Variants in ELF1 observed in about 807,000 individuals in gnomAD.
ELF1 encodes ETS-related transcription factor Elf-1.
A neutral mutation model predicts 59.9 loss-of-function variants in ELF1; 24 were observed. The observed-to-expected ratio is 0.40, with a 90% confidence interval of 0.29 to 0.56. The LOEUF (loss-of-function observed/expected upper bound fraction) is 0.56, where lower values mean the gene tolerates loss of function less well. ELF1 is among the 20% of genes least tolerant of loss of function. The probability of loss-of-function intolerance (pLI) is 0.44; values close to 1 mark genes in which losing one functional copy is unlikely to be tolerated. For missense variants in ELF1, 627 were observed against 742.2 expected (o/e 0.84, Z 1.80); for synonymous variants, 248 against 266.2 (o/e 0.93, Z 0.67).
chr13:40,944,163 T>G (rs1870362060), intron 5 of ELF1, among the ~76,000 whole-genome samples: 1 of 152,216 alleles, frequency 6.6e-6, no homozygotes, highest in Admixed American at 6.5e-5. Context: ...CTTTGACACC[T>G]CAGTTTATAT....
At chr13:41,020,295 A>C (rs1000598940), upstream of ELF1, among the ~76,000 whole-genome samples, 2 of 152,236 alleles carry the variant, frequency 1.3e-5, no homozygotes, top group Admixed American at 1.3e-4. Context: ...TAAGAGCTTA[A>C]ATTAATCAAA....
intron 1 of ELF1, among the ~76,000 whole-genome samples, chr13:41,038,200 TG>T (rs1876463217): frequency 6.6e-6 from 1 of 151,652 alleles, no homozygotes; most frequent in South Asian, 2.1e-4. Context: ...ATAATAAAAA[TG>T]GAATCAGGCC....
At chr13:40,981,113 T>C (rs1873241105) in intron 2 of ELF1, among the ~76,000 whole-genome samples, 1 of 101,016 alleles carries the variant, frequency 9.9e-6, no homozygotes, top group Non-Finnish European at 1.9e-5. Flanking sequence ...TTACATATTA[T>C]AATTGGCCTA....
At chr13:40,946,797 T>G (rs1870537318) in intron 5 of ELF1, among the ~76,000 whole-genome samples, 1 of 151,974 alleles carries the variant, frequency 6.6e-6, no homozygotes, top group South Asian at 2.1e-4. Context: ...CCTAGAAGTT[T>G]AAGACCAAGC....
rs201278356 is a variant in ELF1, at chr13:40,983,861, TTC to T, written c.-228-1581_-228-1580del. ...ATTCAGTCTTGCCTCTTTTCTCAAC[TTC>T]TGTTATTTCCTATGCCTGCAACACA... is the stretch of plus-strand genomic sequence containing the variant. On this transcript the variant is annotated intron_variant, in intron 1 of 8. Coordinates refer to ENST00000239882, the MANE Select transcript of ELF1 (RefSeq NM_172373.4). 7.9e-3 allele frequency among the ~76,000 whole-genome samples: 1,210 copies of T among 152,278 alleles called. 14 individuals carry two copies. Among genetic ancestry groups the T allele is most frequent in the East Asian group, 0.052 (271 of 5,176 alleles).
upstream of ELF1, among the ~76,000 whole-genome samples, chr13:41,021,821 A>G (rs979466941): frequency 4.6e-5 from 7 of 152,220 alleles, no homozygotes; most frequent in Non-Finnish European, 5.9e-5. Context: ...AAAAAAGTAC[A>G]TGAAAATATC....
rs1411196355 is a variant in ELF1 at position 40,959,032 on chromosome 13, G to A, written c.73-16C>T. 2.5e-6 allele frequency: 4 copies of A among 1,580,430 alleles called. No homozygotes were observed. The highest frequency in any genetic ancestry group is 1.9e-5 in the Admixed American group (1 of 51,904). ...GATCACCAAGCTGGGAAGGGTTAGG[G>A]AGAGGAAAATGAAAACAAAGGATTA... On this transcript the variant is annotated splice_polypyrimidine_tract_variant and intron_variant, in intron 2 of 8. Transcript: ENST00000239882.
At chr13:41,035,129 G>A (rs1490734165) in intron 1 of ELF1, among the ~76,000 whole-genome samples, 2 of 152,134 alleles carry the variant, frequency 1.3e-5, no homozygotes, top group Non-Finnish European at 2.9e-5. Flanking sequence ...TTATTCATTC[G>A]TACACACACT....
At position 40,933,289 on chromosome 13, in the gene ELF1, A is replaced by T; in HGVS notation, c.*136T>A. On this transcript the variant is annotated 3_prime_UTR_variant, in exon 9 of 9. Transcript: ENST00000239882. The stretch of plus-strand genomic sequence containing the variant: ...GTTGAGTTTTCCTCCCTCATCTAAC[A>T]AAGTCAAAATTAACTCTATTTTTAA... The T allele has an allele frequency of 3.4e-6, 4 of 1,174,934 alleles. No individual in the cohort carries two copies. The highest frequency in any genetic ancestry group is 4.6e-6 in the Non-Finnish European group (4 of 863,482). 72.8% of individuals were successfully genotyped at this position (1,174,934 alleles called of 1,614,324 possible).
chr13:41,025,735 A>C (rs1271888769), intron 1 of ELF1, among the ~76,000 whole-genome samples: 2 of 152,238 alleles, frequency 1.3e-5, no homozygotes, highest in African/African-American at 2.4e-5. Context: ...CTGATAAATA[A>C]ACCCTATTCG....
At chr13:41,048,761 C>T (rs900253174) in intron 1 of ELF1, among the ~76,000 whole-genome samples, 2 of 151,674 alleles carry the variant, frequency 1.3e-5, no homozygotes, top group Non-Finnish European at 2.9e-5. Context: ...AAAAAAAGAA[C>T]CTGAATTGGC....
At chr13:41,059,157 G>C (rs1877398528) in intron 1 of ELF1, among the ~76,000 whole-genome samples, 1 of 152,112 alleles carries the variant, frequency 6.6e-6, no homozygotes, top group Admixed American at 6.5e-5. Context: ...ATCTATTCAG[G>C]AATCGCTCAA....
chr13:40,962,319 G>GA (rs1219120245), intron 2 of ELF1, among the ~76,000 whole-genome samples: 1 of 151,792 alleles, frequency 6.6e-6, no homozygotes, highest in African/African-American at 2.4e-5. Context: ...AACGTCAAGA[G>GA]AAAAAAACGT....
chr13:41,040,575 A>G (rs527556667), intron 1 of ELF1, among the ~76,000 whole-genome samples: 1 of 152,220 alleles, frequency 6.6e-6, no homozygotes, highest in South Asian at 2.1e-4. Flanking sequence ...TCAGATCATC[A>G]GGCATTAGAT....
Position 40,932,614 on chromosome 13 carries a change from T to C in ELF1, c.*811A>G, listed in dbSNP as rs1335942974. On this transcript the variant is annotated 3_prime_UTR_variant, in exon 9 of 9. Coordinates refer to ENST00000239882, the MANE Select transcript of ELF1 (RefSeq NM_172373.4). ...TGAATAAATTTTGTTGGGTCACTTA[T>C]TTCTCTGCAACATTTTAGCTATTCT... 6.6e-6 allele frequency: 1 copy of C among 152,224 alleles called. No individual in the cohort carries two copies. The highest frequency in any genetic ancestry group is 1.5e-5 in the Non-Finnish European group (1 of 68,044). The allele number at this position is 152,224 out of a possible 1,614,324, so 9.4% of individuals were successfully genotyped here.
At chr13:40,976,204 T>C (rs750882567) in intron 2 of ELF1, among the ~76,000 whole-genome samples, 7 of 152,220 alleles carry the variant, frequency 4.6e-5, no homozygotes, top group Non-Finnish European at 1.0e-4. Flanking sequence ...GAAAATTACA[T>C]AGTGTGAAAC....
In ELF1 at chr13:40,948,067, G is replaced by C. The variant is rs532137835; in HGVS notation, c.529+1739C>G. Among the ~76,000 whole-genome samples the C allele has an allele frequency of 5.9e-4, 90 of 152,214 alleles. 1 individual carries two copies. Among genetic ancestry groups the C allele is most frequent in the African/African-American group, 2.1e-3 (88 of 41,514 alleles). ...AATGGTACTGAAGAAATTGGACATC[G>C]GTCAACAAAAGCCAGTGATCCCTGA... On this transcript the variant is annotated intron_variant, in intron 5 of 8. Transcript: ENST00000239882.
chr13:41,005,450 CAAAAAAAAA>C (rs11383900), intron 1 of ELF1, among the ~76,000 whole-genome samples: 1 of 55,002 alleles, frequency 1.8e-5, no homozygotes, highest in Non-Finnish European at 3.4e-5. Context: ...TATACCTATC[CAAAAAAAAA>C]AAAAAAAAAA....
rs776066204 is a variant in ELF1, at chr13:40,933,803, A to G, written c.1482T>C (p.Pro494=). ...VMLQSQKAGS[P]PSIVLGPAQV... is the part of the protein sequence containing the mutation. ...GGGCAGGGCCCAAGACAATTGAAGG[A>G]GGAGAGCCCGCCTTTTGTGACTGCA... The change falls in exon 9 of 9, where the codon CCT becomes CCC. Residue 494 remains proline, a synonymous_variant. Coordinates refer to ENST00000239882, the MANE Select transcript of ELF1 (RefSeq NM_172373.4). 3 of 1,614,280 alleles carry G rather than the reference A, an allele frequency of 1.9e-6. No individual in the cohort carries two copies. In the South Asian group the frequency reaches 3.3e-5, roughly 18 times the overall value.
Sources: gnomAD v4.1 joint callset for allele counts (sites outside exome capture counted in the v4.1 genomes callset) on GRCh38, gnomAD v4.1.1 for gene constraint, MANE v1.5 for transcripts, NCBI Gene and HGNC (gene_info 2026-07-23, HGNC 2026-07-21) for gene names.